FMR1NB: variants seen among roughly 807,000 people sequenced by gnomAD.
The protein encoded by FMR1NB is FMR1 neighbor.
Under a neutral mutation model 16.8 loss-of-function variants are expected in FMR1NB, and 10 were observed. That is an observed-to-expected ratio of 0.60 (90% CI 0.37 to 1.01). FMR1NB has a LOEUF of 1.01. Ranked by LOEUF, FMR1NB falls within the 50% of genes least tolerant of loss-of-function variation. The pLI, the probability that FMR1NB is intolerant of heterozygous loss-of-function variation, is 0.01. For synonymous variants in FMR1NB, 83 were observed against 79.1 expected, an observed-to-expected ratio of 1.05 and a Z score of -0.26; for missense variants, 205 against 204.8, an observed-to-expected ratio of 1.00 and a Z score of 0.00.
chrX:147,990,605 A>G (rs782349890), intron 1 of FMR1NB, among the ~76,000 whole-genome samples: 2 of 111,899 alleles, frequency 1.8e-5, no homozygotes, highest in Non-Finnish European at 3.8e-5. Flanking sequence ...TGTTGGGAAC[A>G]TTCCAATTCT....
At chrX:147,996,304 C>T (rs1266431055) in intron 1 of FMR1NB, among the ~76,000 whole-genome samples, 3 of 111,609 alleles carry the variant, frequency 2.7e-5, no homozygotes, top group African/African-American at 9.8e-5. Flanking sequence ...TCATTTAATC[C>T]TCATAACACT....
intron 1 of FMR1NB, among the ~76,000 whole-genome samples, chrX:147,991,016 C>T (rs1001916648): frequency 9.0e-6 from 1 of 110,948 alleles, no homozygotes; most frequent in South Asian, 3.9e-4. Flanking sequence ...TTTCCTTGCT[C>T]ATTTCCCCTC....
chrX:148,012,626 G>A (rs2044630885), intron 4 of FMR1NB, among the ~76,000 whole-genome samples: 1 of 111,226 alleles, frequency 9.0e-6, no homozygotes, highest in Non-Finnish European at 1.9e-5. Flanking sequence ...TTTCAATGTT[G>A]CTACTTGCCA....
chrX:148,000,965 A>G (rs919528469), intron 1 of FMR1NB, among the ~76,000 whole-genome samples: 3 of 112,138 alleles, frequency 2.7e-5, no homozygotes, highest in Non-Finnish European at 3.8e-5. Context: ...ATTATTGTCT[A>G]TCTGGAATGA....
chrX:147,987,882 A>G (rs782045648), intron 1 of FMR1NB, among the ~76,000 whole-genome samples: 11 of 109,522 alleles, frequency 1.0e-4, no homozygotes, highest in Non-Finnish European at 1.5e-4. Flanking sequence ...AAATTTCTCC[A>G]TCCCTTTATT....
In FMR1NB at chrX:148,006,832, A is replaced by T; in HGVS notation, c.528A>T (p.Pro176=). 1 of 1,205,509 alleles carries T rather than the reference A, an allele frequency of 8.3e-7. No individual in the cohort carries two copies. The highest frequency in any genetic ancestry group is 1.1e-6 in the Non-Finnish European group (1 of 893,374). ...SGTTSFKCFA[P]FRDVPKQMMQ... The stretch of plus-strand genomic sequence containing the variant: ...CCACGAGCTTCAAATGTTTTGCTCC[A>T]TTTAGAGATGGTAAGTTATTCCTCT... The change falls in exon 3 of 6, where the codon CCA becomes CCT. Residue 176 remains proline (P), a synonymous_variant. Transcript: ENST00000370467.
intron 1 of FMR1NB, among the ~76,000 whole-genome samples, chrX:147,996,270 GTA>G (rs1456871050): frequency 1.8e-5 from 2 of 111,857 alleles, no homozygotes; most frequent in Non-Finnish European, 3.8e-5. Context: ...GTTTTGCATT[GTA>G]TTAAGCCCTT....
intron 4 of FMR1NB, among the ~76,000 whole-genome samples, chrX:148,013,482 C>G (rs1569546737): frequency 1.8e-5 from 2 of 111,971 alleles, no homozygotes; most frequent in Non-Finnish European, 1.9e-5. Context: ...GCCTTACTCC[C>G]ATTTATCAGA....
At chrX:148,025,446 C>T (rs1469262719) in intron 5 of FMR1NB, among the ~76,000 whole-genome samples, 1 of 111,449 alleles carries the variant, frequency 9.0e-6, no homozygotes, top group East Asian at 2.8e-4. Context: ...TCTCAGCTAC[C>T]TGTTCTTCAA....
intron 1 of FMR1NB, 39 bp downstream of exon 1, chrX:147,981,718 G>T (rs782504719): frequency 4.1e-6 from 4 of 973,807 alleles, no homozygotes; most frequent in Admixed American, 2.9e-5. Context: ...AATGCTGGGG[G>T]AGGGGGAGGG....
At chrX:147,999,573 A>T (rs2044560822) in intron 1 of FMR1NB, among the ~76,000 whole-genome samples, 1 of 110,018 alleles carries the variant, frequency 9.1e-6, no homozygotes, top group Admixed American at 9.7e-5. Flanking sequence ...CCTCAGAGAG[A>T]CTGGCTCCCA....
intron 1 of FMR1NB, among the ~76,000 whole-genome samples, chrX:147,987,068 A>G (rs782104147): frequency 9.2e-6 from 1 of 108,637 alleles, no homozygotes; most frequent in East Asian, 2.9e-4. Flanking sequence ...TATGTATTTT[A>G]TTTTCTTTGT....
intron 1 of FMR1NB, among the ~76,000 whole-genome samples, chrX:147,989,480 C>A (rs1189564885): frequency 8.9e-6 from 1 of 112,114 alleles, no homozygotes; most frequent in African/African-American, 3.2e-5. Context: ...GCACAGGGGT[C>A]AGGGACCCAC....
chrX:148,016,043 T>C (rs946013825), intron 4 of FMR1NB, among the ~76,000 whole-genome samples: 1 of 112,300 alleles, frequency 8.9e-6, no homozygotes, highest in Non-Finnish European at 1.9e-5. Context: ...AATTGGCCTC[T>C]ATCATTATGT....
In FMR1NB at chrX:148,007,101, C is replaced by A. The variant is rs183615823; in HGVS notation, c.538+259C>A. 8.3e-3 allele frequency among the ~76,000 whole-genome samples: 926 copies of A among 111,408 alleles called. 7 individuals are homozygous for A. Among genetic ancestry groups the A allele is most frequent in the African/African-American group, 0.027 (833 of 30,634 alleles). ...CTTTAGTCACTCTCTGTGTTTTGTC[C>A]AAAAGTTTCCAGGCTCTATGGAACC... is the stretch of plus-strand genomic sequence containing the variant. On this transcript the variant is annotated intron_variant, in intron 3 of 5. Coordinates refer to ENST00000370467, the MANE Select transcript of FMR1NB (RefSeq NM_152578.3).
At chrX:148,006,119 A>G (rs1481573678) in intron 2 of FMR1NB, among the ~76,000 whole-genome samples, 2 of 103,337 alleles carry the variant, frequency 1.9e-5, no homozygotes, top group Non-Finnish European at 3.8e-5. Flanking sequence ...TTGCAGTTGC[A>G]TAATCTTGGT....
chrX:148,011,633 A>G (rs2044625677), intron 4 of FMR1NB, among the ~76,000 whole-genome samples: 1 of 111,572 alleles, frequency 9.0e-6, no homozygotes, highest in Admixed American at 9.5e-5. Context: ...TAAGTAGGAG[A>G]GGGCACGTCA....
At chrX:147,989,054 G>A (rs1197252178) in intron 1 of FMR1NB, among the ~76,000 whole-genome samples, 2 of 111,770 alleles carry the variant, frequency 1.8e-5, no homozygotes, top group African/African-American at 3.3e-5. Flanking sequence ...GAGAGGAGTT[G>A]TGATCATTTG....
chrX:148,001,180 C>A (rs2044568582), intron 1 of FMR1NB, among the ~76,000 whole-genome samples: 1 of 111,776 alleles, frequency 8.9e-6, no homozygotes, highest in South Asian at 3.8e-4. Context: ...CAATGATAAA[C>A]CTTATTCAGG....
Sources: allele counts gnomAD v4.1 joint callset (sites outside exome capture counted in the v4.1 genomes callset), GRCh38; gene constraint gnomAD v4.1.1; transcripts MANE v1.5; gene names NCBI Gene and HGNC (gene_info 2026-07-23, HGNC 2026-07-21).